The following ABHD12 variants were observed in gnomAD, a reference collection of about 807,000 sequenced individuals.
ABHD12 encodes lysophosphatidylserine lipase ABHD12.
A neutral mutation model predicts 58.3 loss-of-function variants in ABHD12; 43 were observed. The ratio of observed to expected loss-of-function variants is 0.74; its 90% CI spans 0.58 to 0.95. ABHD12 has a LOEUF of 0.95. ABHD12 is among the 40% of genes least tolerant of loss of function. The pLI is 0.00. For missense variants in ABHD12, 539 were observed against 537.2 expected (o/e 1.00, Z -0.03); for synonymous variants, 219 against 211.2 (o/e 1.04, Z -0.32).
intron 5 of ABHD12, 38 bp downstream of exon 5, chr20:25,317,010 C>G: frequency 6.2e-7 from 1 of 1,605,234 alleles, no homozygotes; most frequent in Non-Finnish European, 8.5e-7. Context: ...CTGGAAAGAA[C>G]AGCCCAGGGA....
chr20:25,352,357 C>A (rs373950583), intron 1 of ABHD12, among the ~76,000 whole-genome samples: 39 of 152,164 alleles, frequency 2.6e-4, no homozygotes, highest in African/African-American at 9.4e-4. Context: ...GGCAGGATCC[C>A]AGCTCACTGC....
In ABHD12 at chr20:25,300,225, C is replaced by A. The variant is rs533174404; in HGVS notation, c.*620G>T. On this transcript the variant is annotated 3_prime_UTR_variant, in exon 13 of 13. Coordinates refer to ENST00000339157, the MANE Select transcript of ABHD12 (RefSeq NM_001042472.3). ...CAGAGAGACAAAAGGACCACCACCA[C>A]GATTTTATTCTTAAATAAAGCTCAG... 1 of 997,754 alleles carries A rather than the reference C, an allele frequency of 1.0e-6. No homozygotes were observed. Among genetic ancestry groups the A allele is most frequent in the Admixed American group, 5.3e-5 (1 of 18,844 alleles). The allele number at this position is 997,754 out of a possible 1,614,324, so 61.8% of individuals were successfully genotyped here.
At chr20:25,371,355 C>G (rs904452648) in intron 1 of ABHD12, among the ~76,000 whole-genome samples, 1 of 152,170 alleles carries the variant, frequency 6.6e-6, no homozygotes, top group Non-Finnish European at 1.5e-5. Context: ...AACCTGGAGG[C>G]AGCAGCAGGC....
rs2090164016 is a variant in ABHD12 at position 25,390,664 on chromosome 20, G to A, written c.40C>T (p.Arg14Cys). 6 of 1,435,484 alleles carry A rather than the reference G, an allele frequency of 4.2e-6. No homozygotes were observed. The highest frequency in any genetic ancestry group is 1.3e-5 in the South Asian group (1 of 74,380). The allele number at this position is 1,435,484 out of a possible 1,614,324, so 88.9% of individuals were successfully genotyped here. ...GAGGACGAGCCCGCGGCGGCGCAGC[G>A]CTCATGCTCCAAGGCGACGGGCTCG... ...RTEPVALEHERCAAAGSSSSG... is the reference protein window; with the variant it reads ...RTEPVALEHECCAAAGSSSSG... Residue 14 changes from arginine to cysteine, a missense_variant, in exon 1 of 13, where the codon CGC becomes TGC. Physicochemically the swap from Arg to Cys is radical, Grantham distance 180. Transcript: ENST00000339157.
intron 1 of ABHD12, among the ~76,000 whole-genome samples, chr20:25,350,150 T>TCAAAC: frequency 6.6e-6 from 1 of 152,168 alleles, no homozygotes; most frequent in African/African-American, 2.4e-5. Context: ...AAACCAGTAA[T>TCAAAC]CAAACCAAAG....
downstream of ABHD12, chr20:25,300,075 A>C: frequency 1.8e-6 from 1 of 551,610 alleles, no homozygotes; most frequent in Non-Finnish European, 2.3e-6. Context: ...CAAATTTCTG[A>C]GCTGCTGGGA....
intron 1 of ABHD12, among the ~76,000 whole-genome samples, chr20:25,380,223 C>T (rs540917056): frequency 6.6e-6 from 1 of 152,158 alleles, no homozygotes; most frequent in East Asian, 1.9e-4. Flanking sequence ...CTCCACTTAA[C>T]TTCTGGAACA....
chr20:25,385,600 C>T (rs1350003209), intron 1 of ABHD12, among the ~76,000 whole-genome samples: 3 of 152,004 alleles, frequency 2.0e-5, no homozygotes, highest in African/African-American at 4.8e-5. Flanking sequence ...AATCCCAATA[C>T]TTTGGGGGAC....
At chr20:25,302,456 A>C (rs1187772126) in intron 11 of ABHD12, 110 bp from the exon 12 acceptor site, 11 of 1,413,712 alleles carry the variant, frequency 7.8e-6, no homozygotes, top group Non-Finnish European at 1.1e-5. Flanking sequence ...CCAGAGTCCC[A>C]CATACACTGC....
chr20:25,325,203 CAAAAAAAAAAAA>C (rs376306392), intron 2 of ABHD12, among the ~76,000 whole-genome samples: 8 of 76,460 alleles, frequency 1.0e-4, no homozygotes, highest in South Asian at 1.1e-3. Flanking sequence ...GACCCTGTTT[CAAAAAAAAAAAA>C]AAAAAAAAAA....
chr20:25,298,153 C>G (rs1265567296), downstream of ABHD12: 1 of 152,256 alleles, frequency 6.6e-6, no homozygotes, highest in Non-Finnish European at 1.5e-5. Context: ...GGTCCCCCGT[C>G]TGAAACTAGA....
chr20:25,373,953 C>T (rs1196459841), intron 1 of ABHD12, among the ~76,000 whole-genome samples: 1 of 152,134 alleles, frequency 6.6e-6, no homozygotes, highest in East Asian at 1.9e-4. Context: ...TTGACAGGGT[C>T]TCACTCTGTT....
chr20:25,363,720 C>G, intron 1 of ABHD12, among the ~76,000 whole-genome samples: 1 of 151,940 alleles, frequency 6.6e-6, no homozygotes, highest in East Asian at 2.0e-4. Flanking sequence ...ACAAAATTAG[C>G]TGGGCATGGT....
chr20:25,370,345 G>A (rs569398087), intron 1 of ABHD12, among the ~76,000 whole-genome samples: 94 of 152,192 alleles, frequency 6.2e-4, no homozygotes, highest in Non-Finnish European at 6.6e-4. Flanking sequence ...CACAGAGAAG[G>A]TCACCAACTC....
chr20:25,388,787 C>CTT lies in ABHD12; in HGVS notation c.191+1724_191+1725dup, dbSNP rs780031801. 7.6e-3 allele frequency among the ~76,000 whole-genome samples: 922 copies of CTT among 122,044 alleles called. 29 individuals carry two copies. Among genetic ancestry groups the CTT allele is most frequent in the African/African-American group, 0.013 (421 of 31,396 alleles). The allele number at this position is 122,044 out of a possible 152,430, so 80.1% of individuals were successfully genotyped here. A position where few individuals can be genotyped will look rare whatever the true frequency, so the allele number is the denominator to read the frequency against. ...GTTGTGTAAAACAATTTGATTTTTT[C>CTT]TTTTTTTTTTTTTTTTTTGAGACGG... On this transcript the variant is annotated intron_variant, in intron 1 of 12. Coordinates refer to ENST00000339157, the MANE Select transcript of ABHD12 (RefSeq NM_001042472.3).
chr20:25,315,863 T>TCTGTCTGTGTC (rs1568722361), intron 5 of ABHD12, among the ~76,000 whole-genome samples: 4 of 152,146 alleles, frequency 2.6e-5, no homozygotes, highest in Non-Finnish European at 5.9e-5. Flanking sequence ...CTGTCTGTGT[T>TCTGTCTGTGTC]CCCTTCTGCC....
intron 3 of ABHD12, 71 bp downstream of exon 3, chr20:25,323,254 G>T: frequency 1.1e-6 from 1 of 941,756 alleles, no homozygotes; most frequent in Non-Finnish European, 1.8e-6. Flanking sequence ...CAATGTCAAA[G>T]ACAGCACCAG....
intron 1 of ABHD12, among the ~76,000 whole-genome samples, chr20:25,388,091 A>G (rs925106625): frequency 2.4e-4 from 37 of 151,886 alleles, no homozygotes; most frequent in Non-Finnish European, 5.0e-4. Flanking sequence ...AAAAAAGAGA[A>G]GAGGGATGGA....
chr20:25,386,015 G>A (rs568230623), intron 1 of ABHD12, among the ~76,000 whole-genome samples: 18 of 151,710 alleles, frequency 1.2e-4, no homozygotes, highest in African/African-American at 4.1e-4. Flanking sequence ...GCAGGAGAAT[G>A]GCGTGAACCC....
Sources: gnomAD v4.1 joint callset for allele counts (sites outside exome capture counted in the v4.1 genomes callset) on GRCh38, gnomAD v4.1.1 for gene constraint, MANE v1.5 for transcripts, NCBI Gene and HGNC (gene_info 2026-07-23, HGNC 2026-07-21) for gene names.